Variants in CTNND2 observed in about 807,000 individuals in gnomAD.
CTNND2 encodes catenin delta-2.
CTNND2 carries 22 observed loss-of-function variants against 144.4 expected under a neutral mutation model. The ratio of observed to expected loss-of-function variants is 0.15; its 90% CI spans 0.11 to 0.22. The LOEUF (loss-of-function observed/expected upper bound fraction) is 0.22, where lower values mean the gene tolerates loss of function less well. CTNND2 is among the 10% of genes least tolerant of loss of function. CTNND2 has a pLI of 1.00. For synonymous variants in CTNND2, 751 were observed against 695.6 expected, an observed-to-expected ratio of 1.08 and a Z score of -1.25; for missense variants, 1,353 against 1,618.8, an observed-to-expected ratio of 0.84 and a Z score of 2.82.
At chr5:11,805,359 C>T (rs1487682702) in intron 1 of CTNND2, among the ~76,000 whole-genome samples, 3 of 152,034 alleles carry the variant, frequency 2.0e-5, no homozygotes, top group Non-Finnish European at 4.4e-5. Flanking sequence ...AAAACAAGGA[C>T]ACTCCACTAG....
Position 11,382,593 on chromosome 5 carries a change from C to CTGTG in CTNND2, c.1177+2071_1177+2072insCACA, listed in dbSNP as rs1491128983. On this transcript the variant is annotated intron_variant, in intron 7 of 21. Transcript: ENST00000304623. ...AGCCTGGGCAACCGACAGAGTGAGA[C>CTGTG]TCTGTGTGTGTGTGTGTGTGTGTGT... is the stretch of plus-strand genomic sequence containing the variant. Among the ~76,000 whole-genome samples, 58 of 55,914 alleles carry CTGTG rather than the reference C, an allele frequency of 1.0e-3. 1 individual carries two copies. The highest frequency in any genetic ancestry group is 3.4e-3 in the African/African-American group (54 of 15,774). The allele number at this position is 55,914 out of a possible 152,430, so 36.7% of individuals were successfully genotyped here. A position where few individuals can be genotyped will look rare whatever the true frequency, so the allele number is the denominator to read the frequency against.
chr5:11,675,933 T>C (rs1177245636), intron 2 of CTNND2, among the ~76,000 whole-genome samples: 2 of 151,738 alleles, frequency 1.3e-5, no homozygotes, highest in Non-Finnish European at 2.9e-5. Context: ...TCTCATGCTG[T>C]TTTCTTCAGC....
rs1336340193 is a variant in CTNND2, at chr5:11,023,963, TGGAA to T, written c.2789-988_2789-985del. 8.5e-5 allele frequency among the ~76,000 whole-genome samples: 13 copies of T among 152,338 alleles called. No individual in the cohort carries two copies. The East Asian group carries it at 2.5e-3, about 29-fold the overall frequency. ...GCTGGCTGTTCTCACATTTTTCAGA[TGGAA>T]TTGGCAAGTGCCTAAAGTTAGATCC... On this transcript the variant is annotated intron_variant, in intron 16 of 21. Transcript: ENST00000304623.
chr5:11,264,258 G>A (rs989767086), intron 9 of CTNND2, among the ~76,000 whole-genome samples: 2 of 152,190 alleles, frequency 1.3e-5, no homozygotes, highest in African/African-American at 2.4e-5. Context: ...CAGAACCTGT[G>A]AATGTGACTT....
intron 16 of CTNND2, among the ~76,000 whole-genome samples, chr5:11,075,123 T>G (rs557819226): frequency 1.3e-5 from 2 of 152,338 alleles, no homozygotes; most frequent in South Asian, 4.1e-4. Flanking sequence ...AGTTGTGTAA[T>G]GCTCACTACA....
At chr5:11,698,374 C>T (rs775899337) in intron 2 of CTNND2, among the ~76,000 whole-genome samples, 5 of 151,916 alleles carry the variant, frequency 3.3e-5, no homozygotes, top group Admixed American at 6.6e-5. Context: ...CTGAAACCTC[C>T]GCCTCCTGGG....
chr5:11,121,311 T>C (rs978275234), intron 12 of CTNND2, among the ~76,000 whole-genome samples: 5 of 152,212 alleles, frequency 3.3e-5, no homozygotes, highest in African/African-American at 1.2e-4. Flanking sequence ...AGAAAGTTCC[T>C]CCCTCCCATT....
chr5:11,430,306 G>A, intron 3 of CTNND2, among the ~76,000 whole-genome samples: 1 of 121,948 alleles, frequency 8.2e-6, no homozygotes, highest in African/African-American at 3.1e-5. Flanking sequence ...TTAAGAGTTA[G>A]TATAAAAAAC....
At chr5:11,021,166 T>C (rs888995836) in intron 17 of CTNND2, among the ~76,000 whole-genome samples, 1 of 152,340 alleles carries the variant, frequency 6.6e-6, no homozygotes, top group Admixed American at 6.5e-5. Flanking sequence ...AACTTTTTTT[T>C]CTCTTTAGGC....
chr5:11,562,310 C>T lies in CTNND2; in HGVS notation c.287+2634G>A, dbSNP rs193229273. Among the ~76,000 whole-genome samples the T allele has an allele frequency of 5.9e-5, 9 of 152,194 alleles. No homozygotes were observed. The East Asian group carries it at 1.7e-3, about 29-fold the overall frequency. ...CTTTTTTTAAAAAAAAGTTGACGTT[C>T]TATTTTTGTTTAAATATCCCTTTTG... On this transcript the variant is annotated intron_variant, in intron 3 of 21. Coordinates refer to ENST00000304623, the MANE Select transcript of CTNND2 (RefSeq NM_001332.4).
chr5:11,657,552 T>A (rs2126556749), intron 2 of CTNND2, among the ~76,000 whole-genome samples: 1 of 152,230 alleles, frequency 6.6e-6, no homozygotes, highest in East Asian at 1.9e-4. Flanking sequence ...ATTCAAAGTG[T>A]CTCAGGTTTT....
At chr5:11,307,375 A>C (rs1160772907) in intron 9 of CTNND2, among the ~76,000 whole-genome samples, 1 of 151,750 alleles carries the variant, frequency 6.6e-6, no homozygotes, top group African/African-American at 2.4e-5. Context: ...GGCGCAATAC[A>C]CAGGGGCACT....
At chr5:11,892,520 GC>G (rs958260100) in intron 1 of CTNND2, among the ~76,000 whole-genome samples, 3 of 151,986 alleles carry the variant, frequency 2.0e-5, no homozygotes, top group Admixed American at 6.6e-5. Context: ...ATAAGCTATA[GC>G]AAAGAAGAAA....
intron 3 of CTNND2, among the ~76,000 whole-genome samples, chr5:11,418,496 T>TA (rs1296316937): frequency 6.6e-6 from 1 of 152,198 alleles, no homozygotes; most frequent in African/African-American, 2.4e-5. Flanking sequence ...GAAGCAAGAA[T>TA]AAATATCAAA....
At chr5:11,248,385 G>C (rs995932796) in intron 9 of CTNND2, among the ~76,000 whole-genome samples, 1 of 151,820 alleles carries the variant, frequency 6.6e-6, no homozygotes, top group African/African-American at 2.4e-5. Flanking sequence ...GTATGTATAT[G>C]TGCAGATCTG....
intron 2 of CTNND2, among the ~76,000 whole-genome samples, chr5:11,622,930 G>T (rs1281459246): frequency 2.0e-5 from 3 of 151,956 alleles, no homozygotes. Flanking sequence ...TTTTATTGTT[G>T]CTATTTTTAG....
At chr5:11,718,545 G>A (rs2126711114) in intron 2 of CTNND2, among the ~76,000 whole-genome samples, 1 of 152,036 alleles carries the variant, frequency 6.6e-6, no homozygotes, top group South Asian at 2.1e-4. Flanking sequence ...AAACACACTT[G>A]TGATCCAGAG....
Position 11,889,280 on chromosome 5 carries a change from A to G in CTNND2, c.37+14537T>C, listed in dbSNP as rs1736789668. On this transcript the variant is annotated intron_variant, in intron 1 of 21. Coordinates refer to ENST00000304623, the MANE Select transcript of CTNND2 (RefSeq NM_001332.4). ...CACCCAGACACACCACAGGTAACAC[A>G]TTTTCAGTTACAAACCTTCAAATGT... Among the ~76,000 whole-genome samples, 3 of 152,284 alleles carry G rather than the reference A, an allele frequency of 2.0e-5. No homozygotes were observed. In the South Asian group the frequency reaches 6.2e-4, roughly 32 times the overall value.
intron 2 of CTNND2, among the ~76,000 whole-genome samples, chr5:11,582,415 C>A (rs1200554090): frequency 6.6e-6 from 1 of 152,058 alleles, no homozygotes. Flanking sequence ...AAACCAAAAA[C>A]CAAAACAAAG....
Sources: gnomAD v4.1 joint callset for allele counts (sites outside exome capture counted in the v4.1 genomes callset) on GRCh38, gnomAD v4.1.1 for gene constraint, MANE v1.5 for transcripts, NCBI Gene and HGNC (gene_info 2026-07-23, HGNC 2026-07-21) for gene names.